The following MEI4 variants were observed in gnomAD, a reference collection of about 807,000 sequenced individuals.
MEI4 encodes meiosis-specific protein MEI4.
In MEI4, 27 loss-of-function variants were observed where a neutral mutation model predicts 31.4. The observed-to-expected ratio is 0.86, with a 90% CI of 0.63 to 1.19. The LOEUF (loss-of-function observed/expected upper bound fraction) is 1.19, where lower values mean the gene tolerates loss of function less well. Ranked by LOEUF, MEI4 falls within the 50% of genes most tolerant of loss-of-function variation. MEI4 has a pLI of 0.00. For missense variants in MEI4, 329 were observed against 398.9 expected, an observed-to-expected ratio of 0.82 and a Z score of 1.49; for synonymous variants, 122 against 145.4, an observed-to-expected ratio of 0.84 and a Z score of 1.16.
At chr6:77,713,172 C>T (rs1766504917) in intron 2 of MEI4, among the ~76,000 whole-genome samples, 1 of 152,058 alleles carries the variant, frequency 6.6e-6, no homozygotes, top group South Asian at 2.1e-4. Context: ...CTCCATGATA[C>T]ACACTCTCCT....
rs978170205 is a variant in MEI4, at chr6:77,703,929, G to A, written c.232+13026G>A. Reference sequence around the variant, plus strand: ...AGCAAGGGACTGTGAGTGTGAGGGCGGGGGTTGGTAGTTGAAGAGAGTGCA... The same window carrying A: ...AGCAAGGGACTGTGAGTGTGAGGGCAGGGGTTGGTAGTTGAAGAGAGTGCA... On this transcript the variant is annotated intron_variant, in intron 2 of 4. Transcript: ENST00000684080. Among the ~76,000 whole-genome samples the A allele has an allele frequency of 7.9e-5, 12 of 152,280 alleles. No individual in the cohort carries two copies. The East Asian group carries it at 1.9e-3, about 25-fold the overall frequency.
chr6:77,684,035 ATCTTTTG>A (rs1415509781), intron 1 of MEI4, among the ~76,000 whole-genome samples: 1 of 152,074 alleles, frequency 6.6e-6, no homozygotes, highest in African/African-American at 2.4e-5. Context: ...CCACATCCTC[ATCTTTTG>A]TCTTTTTGAT....
intron 4 of MEI4, among the ~76,000 whole-genome samples, chr6:77,852,988 C>T (rs1040597680): frequency 1.1e-4 from 17 of 152,180 alleles, no homozygotes; most frequent in African/African-American, 3.6e-4. Flanking sequence ...CACCTGAGGT[C>T]GGGAGTTTGA....
At chr6:77,863,666 A>G (rs190320495) in intron 4 of MEI4, among the ~76,000 whole-genome samples, 338 of 152,348 alleles carry the variant, frequency 2.2e-3, no homozygotes, top group African/African-American at 7.4e-3. Context: ...GCAGGATATA[A>G]TCCAGGAGAA....
chr6:77,808,641 G>A lies in MEI4; in HGVS notation c.769-20290G>A, dbSNP rs779646271. Among the ~76,000 whole-genome samples, 136 of 152,184 alleles carry A rather than the reference G, an allele frequency of 8.9e-4. 1 individual carries two copies. The highest frequency in any genetic ancestry group is 1.6e-3 in the Non-Finnish European group (108 of 68,034). ...AACCTTGAGAGGAGGTTGTTTCAGAGAGAGTTTCATCACTATTAAAAGCTG... is the reference window on the plus strand; with the variant it reads ...AACCTTGAGAGGAGGTTGTTTCAGAAAGAGTTTCATCACTATTAAAAGCTG... On this transcript the variant is annotated intron_variant, in intron 3 of 4. Coordinates refer to ENST00000684080, the MANE Select transcript of MEI4 (RefSeq NM_001322247.2).
intron 3 of MEI4, among the ~76,000 whole-genome samples, chr6:77,780,845 A>G (rs186785776): frequency 1.1e-3 from 160 of 152,242 alleles, no homozygotes; most frequent in Non-Finnish European, 1.9e-3. Flanking sequence ...CAGGATCATC[A>G]TGCCAAAATC....
chr6:77,751,364 G>T (rs2127677959), intron 2 of MEI4, among the ~76,000 whole-genome samples: 2 of 151,968 alleles, frequency 1.3e-5, no homozygotes, highest in Middle Eastern at 6.8e-3. Flanking sequence ...AAAACAAATA[G>T]ACCACTAGCC....
chr6:77,922,946 C>T (rs1043089376), intron 4 of MEI4, 143 bp from the exon 5 acceptor site: 2 of 430,082 alleles, frequency 4.7e-6, no homozygotes, highest in Non-Finnish European at 3.9e-6. Context: ...TTATTTCCCC[C>T]TTGTTCACCA....
chr6:77,912,139 A>G (rs1362611856), intron 4 of MEI4, among the ~76,000 whole-genome samples: 1 of 152,016 alleles, frequency 6.6e-6, no homozygotes, highest in African/African-American at 2.4e-5. Context: ...CTTGGCTGTG[A>G]ATATATGGAA....
intron 4 of MEI4, among the ~76,000 whole-genome samples, chr6:77,891,657 G>C (rs1771771990): frequency 6.6e-6 from 1 of 151,722 alleles, no homozygotes; most frequent in African/African-American, 2.4e-5. Flanking sequence ...AAGAATTATT[G>C]TGTTCCTTTG....
intron 3 of MEI4, among the ~76,000 whole-genome samples, chr6:77,828,728 T>G (rs1770013485): frequency 6.6e-6 from 1 of 152,202 alleles, no homozygotes; most frequent in South Asian, 2.1e-4. Flanking sequence ...CTGTTTCATG[T>G]TTCAAAATAT....
chr6:77,871,070 C>A (rs184346529), intron 4 of MEI4, among the ~76,000 whole-genome samples: 3 of 152,254 alleles, frequency 2.0e-5, no homozygotes, highest in Admixed American at 6.5e-5. Flanking sequence ...GATTCCTTAA[C>A]ATTCAGATGA....
chr6:77,910,137 A>C (rs2127738467), intron 4 of MEI4, among the ~76,000 whole-genome samples: 1 of 152,302 alleles, frequency 6.6e-6, no homozygotes, highest in East Asian at 1.9e-4. Context: ...ATTCCCTTTG[A>C]AAACTGGCAC....
At chr6:77,697,486 C>CAA (rs1350731369) in intron 2 of MEI4, among the ~76,000 whole-genome samples, 1 of 152,188 alleles carries the variant, frequency 6.6e-6, no homozygotes, top group Non-Finnish European at 1.5e-5. Flanking sequence ...TTATTGGTTT[C>CAA]AAAGAACATC....
chr6:77,834,199 A>C (rs1770151780), intron 4 of MEI4, among the ~76,000 whole-genome samples: 1 of 151,958 alleles, frequency 6.6e-6, no homozygotes, highest in Non-Finnish European at 1.5e-5. Context: ...TTGTTTATGG[A>C]ACATTTATTT....
Position 77,827,878 on chromosome 6 carries a change from G to A in MEI4, c.769-1053G>A, listed in dbSNP as rs111779261. On this transcript the variant is annotated intron_variant, in intron 3 of 4. Coordinates refer to ENST00000684080, the MANE Select transcript of MEI4 (RefSeq NM_001322247.2). ...TCTTTGTATGAACTTCAGTCATGTC[G>A]GGGAGAAACAGTTCATAGCTATACT... is the stretch of plus-strand genomic sequence containing the variant. Among the ~76,000 whole-genome samples, 806 of 152,126 alleles carry A rather than the reference G, an allele frequency of 5.3e-3. 8 individuals are homozygous for A. Among genetic ancestry groups the A allele is most frequent in the African/African-American group, 0.019 (784 of 41,512 alleles).
Position 77,761,254 on chromosome 6 carries a change from G to A in MEI4, c.357G>A (p.Gln119=). The A allele has an allele frequency of 3.2e-6, 4 of 1,232,584 alleles. 1 individual carries two copies. The South Asian group carries it at 1.6e-4, about 51-fold the overall frequency. The allele number at this position is 1,232,584 out of a possible 1,614,324, so 76.4% of individuals were successfully genotyped here. A position where few individuals can be genotyped will look rare whatever the true frequency, so the allele number is the denominator to read the frequency against. ...EQRTESSDLS[Q]HFVESCTPTH... ...GAACTGAATCCTCAGACCTGTCCCA[G>A]CACTTTGTGGAAAGCTGTACCCCCA... The change falls in exon 3 of 5, where the codon CAG becomes CAA. Residue 119 remains glutamine, a synonymous_variant. Coordinates refer to ENST00000684080, the MANE Select transcript of MEI4 (RefSeq NM_001322247.2).
At chr6:77,885,505 T>C (rs1261089469) in intron 4 of MEI4, among the ~76,000 whole-genome samples, 2 of 152,136 alleles carry the variant, frequency 1.3e-5, no homozygotes, top group Non-Finnish European at 1.5e-5. Context: ...ATAGTGACTT[T>C]TGTACATTGA....
In MEI4 at chr6:77,924,464, C is replaced by T. The variant is rs1384631557; in HGVS notation, c.*1118C>T. The T allele has an allele frequency of 1.3e-5, 2 of 151,752 alleles. No individual in the cohort carries two copies. The highest frequency in any genetic ancestry group is 4.8e-5 in the African/African-American group (2 of 41,328). 9.4% of individuals were successfully genotyped at this position (151,752 alleles called of 1,614,324 possible). A position where few individuals can be genotyped will look rare whatever the true frequency, so the allele number is the denominator to read the frequency against. ...ATGTCAGTCAGCTTTTGTTATGTGA[C>T]AGATAGATAATCAATCACAAAATAT... is the stretch of plus-strand genomic sequence containing the variant. On this transcript the variant is annotated 3_prime_UTR_variant, in exon 5 of 5. Transcript: ENST00000684080.
Sources: gnomAD v4.1 joint callset for allele counts (sites outside exome capture counted in the v4.1 genomes callset) on GRCh38, gnomAD v4.1.1 for gene constraint, MANE v1.5 for transcripts, NCBI Gene and HGNC (gene_info 2026-07-23, HGNC 2026-07-21) for gene names.